GRIA1: variants seen among roughly 807,000 people sequenced by gnomAD.
The protein encoded by GRIA1 is glutamate ionotropic receptor AMPA type subunit 1.
GRIA1 carries 31 observed loss-of-function variants against 99.2 expected under a neutral mutation model. The ratio of observed to expected loss-of-function variants is 0.31; its 90% CI spans 0.23 to 0.42. The LOEUF (loss-of-function observed/expected upper bound fraction) is 0.42. GRIA1 is among the 10% of genes least tolerant of loss of function. The probability of loss-of-function intolerance (pLI) is 1.00; values close to 1 mark genes in which losing one functional copy is unlikely to be tolerated. For missense variants in GRIA1, 782 were observed against 1,157.5 expected (o/e 0.68, Z 4.71); for synonymous variants, 438 against 432.4 (o/e 1.01, Z -0.16).
intron 2 of GRIA1, among the ~76,000 whole-genome samples, chr5:153,600,248 T>C (rs780605540): frequency 5.1e-4 from 78 of 151,686 alleles, no homozygotes; most frequent in Admixed American, 9.8e-4. Flanking sequence ...AAAAACTAGC[T>C]GGGCGTGGTG....
At chr5:153,493,148 T>C (rs1240603276) in intron 1 of GRIA1, among the ~76,000 whole-genome samples, 1 of 152,180 alleles carries the variant, frequency 6.6e-6, no homozygotes, top group African/African-American at 2.4e-5. Flanking sequence ...TACTATACCT[T>C]TTACTAGAAT....
chr5:153,701,643 T>C (rs200682612), intron 10 of GRIA1, among the ~76,000 whole-genome samples: 3 of 41,316 alleles, frequency 7.3e-5, no homozygotes, highest in African/African-American at 1.7e-4. Flanking sequence ...AAAAAAAAAA[T>C]ACTATGTTCT....
At chr5:153,656,543 CT>C (rs1200422032) in intron 5 of GRIA1, among the ~76,000 whole-genome samples, 1 of 151,372 alleles carries the variant, frequency 6.6e-6, no homozygotes, top group African/African-American at 2.4e-5. Flanking sequence ...TATGAGTTTT[CT>C]TTTGTAACCA....
rs1301051097 is a variant in GRIA1 at position 153,811,387 on chromosome 5, C to A, written c.*162C>A. The A allele has an allele frequency of 1.7e-6, 1 of 604,470 alleles. No individual in the cohort carries two copies. Among genetic ancestry groups the A allele is most frequent in the South Asian group, 2.0e-5 (1 of 50,350 alleles). The allele number at this position is 604,470 out of a possible 1,614,324, so 37.4% of individuals were successfully genotyped here. On this transcript the variant is annotated 3_prime_UTR_variant, in exon 16 of 16. Transcript: ENST00000285900. Reference sequence around the variant, plus strand: ...AGGTTTTCCTGAAGAATTGAAAAACCATTTTGCTGTCCCTTTTCCTTTTTT... The same window carrying A: ...AGGTTTTCCTGAAGAATTGAAAAACAATTTTGCTGTCCCTTTTCCTTTTTT...
chr5:153,728,471 T>G (rs113233147), intron 11 of GRIA1, among the ~76,000 whole-genome samples: 2 of 99,606 alleles, frequency 2.0e-5, no homozygotes, highest in African/African-American at 8.2e-5. Flanking sequence ...AGAAAATTTT[T>G]GCAACCTACT....
intron 11 of GRIA1, among the ~76,000 whole-genome samples, chr5:153,747,495 C>A (rs1449556146): frequency 6.6e-6 from 1 of 152,116 alleles, no homozygotes; most frequent in Non-Finnish European, 1.5e-5. Flanking sequence ...CCCACCTGGC[C>A]CAAAGAAAGA....
At chr5:153,702,778 C>T (rs1434270847) in intron 10 of GRIA1, among the ~76,000 whole-genome samples, 1 of 152,198 alleles carries the variant, frequency 6.6e-6, no homozygotes, top group Non-Finnish European at 1.5e-5. Flanking sequence ...GAGCCATTGT[C>T]CTAAGATGTC....
chr5:153,491,399 A>C, intron 1 of GRIA1: 2 of 706,250 alleles, frequency 2.8e-6, no homozygotes, highest in Non-Finnish European at 3.5e-6. Flanking sequence ...ATATATATGT[A>C]ATTGAAGGAG....
At chr5:153,731,819 G>A (rs1185227583) in intron 11 of GRIA1, among the ~76,000 whole-genome samples, 1 of 152,004 alleles carries the variant, frequency 6.6e-6, no homozygotes, top group Non-Finnish European at 1.5e-5. Context: ...ATTCACTATA[G>A]TTTCTAAGCT....
intron 11 of GRIA1, among the ~76,000 whole-genome samples, chr5:153,727,004 T>G (rs1008436160): frequency 6.6e-6 from 1 of 152,120 alleles, no homozygotes; most frequent in African/African-American, 2.4e-5. Flanking sequence ...ATTGGCAAAC[T>G]GAATCCAGCA....
intron 2 of GRIA1, among the ~76,000 whole-genome samples, chr5:153,565,186 T>C (rs1182464938): frequency 1.3e-5 from 2 of 152,212 alleles, no homozygotes; most frequent in East Asian, 3.8e-4. Flanking sequence ...AGGGAGTACT[T>C]CTATGGCGGA....
chr5:153,740,251 C>T (rs1269801091), intron 11 of GRIA1, among the ~76,000 whole-genome samples: 1 of 152,188 alleles, frequency 6.6e-6, no homozygotes, highest in Non-Finnish European at 1.5e-5. Flanking sequence ...CAATCTAGTA[C>T]AGGCGGAGAG....
chr5:153,726,356 G>C (rs202053781), intron 11 of GRIA1, among the ~76,000 whole-genome samples: 69,985 of 139,542 alleles, frequency 0.5, 18,460 homozygotes, highest in East Asian at 0.93. Context: ...CAAACACATT[G>C]AAAAGCTAGC....
chr5:153,490,815 A>AT lies in GRIA1; in HGVS notation c.-73dup. 1 of 1,078,026 alleles carries AT rather than the reference A, an allele frequency of 9.3e-7. No homozygotes were observed. The highest frequency in any genetic ancestry group is 1.4e-6 in the Non-Finnish European group (1 of 690,188). 66.8% of individuals were successfully genotyped at this position (1,078,026 alleles called of 1,614,324 possible). On this transcript the variant is annotated 5_prime_UTR_variant, in exon 1 of 16. Coordinates refer to ENST00000285900, the MANE Select transcript of GRIA1 (RefSeq NM_000827.4). ...AAGAACAGGCAGAACAGCGAGAAGA[A>AT]TAAAGGGAAAGGGGGGGAAACACCA...
intron 2 of GRIA1, among the ~76,000 whole-genome samples, chr5:153,560,845 C>T (rs10065813): frequency 0.12 from 18,985 of 152,130 alleles, 1,249 homozygotes; most frequent in Middle Eastern, 0.14. Context: ...TTGGAGAAGC[C>T]TCCTTGAGAG....
At chr5:153,710,201 T>A (rs1357852385) in intron 11 of GRIA1, among the ~76,000 whole-genome samples, 1 of 151,536 alleles carries the variant, frequency 6.6e-6, no homozygotes, top group African/African-American at 2.4e-5. Context: ...ACCCATGAAT[T>A]TACTTTTAAG....
chr5:153,531,982 C>A (rs1284231549), intron 2 of GRIA1, among the ~76,000 whole-genome samples: 2 of 152,100 alleles, frequency 1.3e-5, no homozygotes, highest in African/African-American at 2.4e-5. Context: ...TACTTGAAAA[C>A]CCTCTCTAGG....
chr5:153,796,763 C>G (rs570246325), intron 14 of GRIA1, among the ~76,000 whole-genome samples: 2 of 152,230 alleles, frequency 1.3e-5, no homozygotes, highest in South Asian at 4.2e-4. Flanking sequence ...AATTCATGAA[C>G]TGAGCTTAGA....
intron 14 of GRIA1, among the ~76,000 whole-genome samples, chr5:153,798,095 T>C (rs979748099): frequency 6.6e-6 from 1 of 152,178 alleles, no homozygotes; most frequent in South Asian, 2.1e-4. Flanking sequence ...CCTTGTCATC[T>C]TCTTCCTGAA....
Sources: gnomAD v4.1 joint callset for allele counts (sites outside exome capture counted in the v4.1 genomes callset) on GRCh38, gnomAD v4.1.1 for gene constraint, MANE v1.5 for transcripts, NCBI Gene and HGNC (gene_info 2026-07-23, HGNC 2026-07-21) for gene names.